Variants in COL22A1 observed in about 807,000 individuals in gnomAD.
COL22A1 encodes the protein collagen alpha-1(XXII) chain.
In COL22A1, 221 loss-of-function variants were observed where a neutral mutation model predicts 248.9. The observed-to-expected ratio is 0.89, with a 90% CI of 0.80 to 0.99. The LOEUF (loss-of-function observed/expected upper bound fraction) is 0.99, where lower values mean the gene tolerates loss of function less well. COL22A1 is among the 50% of genes least tolerant of loss of function. The probability of loss-of-function intolerance (pLI) is 0.00; values close to 1 mark genes in which losing one functional copy is unlikely to be tolerated. For synonymous variants in COL22A1, 891 were observed against 793.4 expected (o/e 1.12, Z -2.07); for missense variants, 2,240 against 2,179.0 (o/e 1.03, Z -0.56).
At chr8:138,866,474 T>C (rs1484239015) in intron 3 of COL22A1, among the ~76,000 whole-genome samples, 1 of 152,248 alleles carries the variant, frequency 6.6e-6, no homozygotes. Context: ...TAGGTGTATG[T>C]CCTTTTACAA....
At chr8:138,722,234 T>C in intron 25 of COL22A1, 145 bp from the exon 26 acceptor site, 2 of 638,864 alleles carry the variant, frequency 3.1e-6, no homozygotes, top group Admixed American at 3.0e-5. Context: ...GGGCCCTGTC[T>C]CCAGAGCGAC....
At chr8:138,757,355 T>G (rs1833100368) in intron 18 of COL22A1, among the ~76,000 whole-genome samples, 1 of 152,162 alleles carries the variant, frequency 6.6e-6, no homozygotes, top group Admixed American at 6.5e-5. Context: ...GGCTGAATAA[T>G]GAATCTTTTG....
At chr8:138,639,443 T>C (rs1376179761) in intron 47 of COL22A1, among the ~76,000 whole-genome samples, 3 of 152,212 alleles carry the variant, frequency 2.0e-5, no homozygotes, top group African/African-American at 7.2e-5. Context: ...GCCAGACAGC[T>C]TTCTATACAC....
At chr8:138,736,750 G>A (rs1376386318) in intron 23 of COL22A1, among the ~76,000 whole-genome samples, 1 of 152,152 alleles carries the variant, frequency 6.6e-6, no homozygotes, top group Non-Finnish European at 1.5e-5. Flanking sequence ...AGAAGGAGGA[G>A]GAGGCAGAGA....
chr8:138,589,142 G>GAA lies in COL22A1; in HGVS notation c.*109_*110dup. ...AACAAAAAGCAAACGATAAAAGAAA[G>GAA]AAAAAAAAAAGGAACACATGGCTGA... On this transcript the variant is annotated 3_prime_UTR_variant, in exon 65 of 65. Transcript: ENST00000303045. 28 of 901,234 alleles carry GAA rather than the reference G, an allele frequency of 3.1e-5. No individual in the cohort carries two copies. Among genetic ancestry groups the GAA allele is most frequent in the African/African-American group, 7.1e-5 (4 of 56,110 alleles). The allele number at this position is 901,234 out of a possible 1,614,324, so 55.8% of individuals were successfully genotyped here.
chr8:138,779,468 C>T, intron 14 of COL22A1, 41 bp downstream of exon 14: 2 of 1,499,494 alleles, frequency 1.3e-6, no homozygotes, highest in Non-Finnish European at 9.3e-7. Context: ...GGCCTTGTCC[C>T]CTGGGAGCAT....
intron 25 of COL22A1, among the ~76,000 whole-genome samples, chr8:138,724,256 G>A (rs948517234): frequency 6.6e-6 from 1 of 152,218 alleles, no homozygotes; most frequent in Non-Finnish European, 1.5e-5. Context: ...ACAGCTCCCC[G>A]CCTGTTGCTT....
intron 39 of COL22A1, among the ~76,000 whole-genome samples, chr8:138,680,451 A>C (rs1319217135): frequency 6.6e-6 from 1 of 152,184 alleles, no homozygotes; most frequent in African/African-American, 2.4e-5. Flanking sequence ...ATGAAGCCAA[A>C]GCTTACTTAT....
chr8:138,686,881 T>C (rs1019604760), intron 37 of COL22A1, among the ~76,000 whole-genome samples: 3 of 152,216 alleles, frequency 2.0e-5, no homozygotes, highest in African/African-American at 7.2e-5. Context: ...ATCTAGGCAG[T>C]CTGAAATGGC....
chr8:138,593,115 G>T (rs1817224633), intron 63 of COL22A1, among the ~76,000 whole-genome samples: 1 of 152,080 alleles, frequency 6.6e-6, no homozygotes. Flanking sequence ...ACTAACACAG[G>T]AACAGGAAGC....
intron 1 of COL22A1, among the ~76,000 whole-genome samples, chr8:138,899,677 C>G (rs1026053907): frequency 6.6e-6 from 1 of 152,096 alleles, no homozygotes; most frequent in African/African-American, 2.4e-5. Context: ...GCATGCGCCA[C>G]CATGCCCGGC....
intron 58 of COL22A1, among the ~76,000 whole-genome samples, chr8:138,605,833 C>A (rs1428204039): frequency 6.6e-6 from 1 of 152,168 alleles, no homozygotes; most frequent in Non-Finnish European, 1.5e-5. Context: ...AGTCAGGAGA[C>A]CTTGACTCAA....
intron 5 of COL22A1, among the ~76,000 whole-genome samples, chr8:138,831,749 T>C (rs1820061608): frequency 6.6e-6 from 1 of 151,602 alleles, no homozygotes; most frequent in Admixed American, 6.6e-5. Flanking sequence ...CACAGGGACC[T>C]TCCTCTTCCT....
intron 23 of COL22A1, among the ~76,000 whole-genome samples, chr8:138,734,251 T>G (rs957226167): frequency 6.6e-6 from 1 of 152,140 alleles, no homozygotes; most frequent in Non-Finnish European, 1.5e-5. Flanking sequence ...AGATTTAGGG[T>G]TCAGATGAAA....
rs73362892 is a variant in COL22A1, at chr8:138,801,269, C to G, written c.1557+1603G>C. The stretch of plus-strand genomic sequence containing the variant: ...CCTCTATGACTGAGGGCAAGTCATT[C>G]GAGCCTGAGAAACCAGTGTCATTCC... On this transcript the variant is annotated intron_variant, in intron 11 of 64. Coordinates refer to ENST00000303045, the MANE Select transcript of COL22A1 (RefSeq NM_152888.3). Among the ~76,000 whole-genome samples, 1,039 of 152,276 alleles carry G rather than the reference C, an allele frequency of 6.8e-3. 9 individuals are homozygous for G. Among genetic ancestry groups the G allele is most frequent in the African/African-American group, 0.024 (1,008 of 41,546 alleles).
intron 53 of COL22A1, among the ~76,000 whole-genome samples, chr8:138,617,254 T>A (rs1819413751): frequency 6.6e-6 from 1 of 152,176 alleles, no homozygotes; most frequent in African/African-American, 2.4e-5. Flanking sequence ...CTGCTCTCCT[T>A]GTTCCTCCTG....
At chr8:138,786,327 C>CT (rs1228286077) in intron 12 of COL22A1, among the ~76,000 whole-genome samples, 2 of 152,026 alleles carry the variant, frequency 1.3e-5, no homozygotes, top group Admixed American at 6.6e-5. Context: ...CTTTTTGAAT[C>CT]TTTTTTTACA....
intron 22 of COL22A1, among the ~76,000 whole-genome samples, chr8:138,751,193 G>T (rs1832568679): frequency 6.6e-6 from 1 of 152,142 alleles, no homozygotes. Flanking sequence ...CTGGGGCTGT[G>T]ATCACCCAAT....
intron 31 of COL22A1, among the ~76,000 whole-genome samples, chr8:138,701,932 T>G (rs538232482): frequency 6.6e-6 from 1 of 152,358 alleles, no homozygotes; most frequent in Non-Finnish European, 1.5e-5. Context: ...GCATATTAAT[T>G]TGTAGAATTC....
Sources: gnomAD v4.1 joint callset for allele counts (sites outside exome capture counted in the v4.1 genomes callset) on GRCh38, gnomAD v4.1.1 for gene constraint, MANE v1.5 for transcripts, NCBI Gene and HGNC (gene_info 2026-07-23, HGNC 2026-07-21) for gene names.